Variants in RBFOX1 observed in about 807,000 individuals in gnomAD.
RBFOX1 encodes RNA binding fox-1 homolog 1, also known as RNA binding protein fox-1 homolog 1.
RBFOX1 carries 8 observed loss-of-function variants against 57.7 expected under a neutral mutation model. That is an observed-to-expected ratio of 0.14 (90% confidence interval 0.08 to 0.25). The LOEUF (loss-of-function observed/expected upper bound fraction) is 0.25, where lower values mean the gene tolerates loss of function less well. Among genes scored for constraint, RBFOX1 ranks in the 10% least tolerant of loss-of-function variants. The pLI is 1.00. For missense variants in RBFOX1, 611 were observed against 548.5 expected, an observed-to-expected ratio of 1.11 and a Z score of -1.14; for synonymous variants, 326 against 222.4, an observed-to-expected ratio of 1.47 and a Z score of -4.15.
chr16:5,305,337 C>G (rs1299832967), intron 1 of RBFOX1, among the ~76,000 whole-genome samples: 1 of 152,132 alleles, frequency 6.6e-6, no homozygotes, highest in Non-Finnish European at 1.5e-5. Flanking sequence ...GGTAGAGATT[C>G]TTCCCATGGA....
chr16:6,797,246 G>T (rs551219092), intron 3 of RBFOX1, among the ~76,000 whole-genome samples: 1 of 152,260 alleles, frequency 6.6e-6, no homozygotes, highest in East Asian at 1.9e-4. Context: ...GATGGATATT[G>T]TTATTCCCCC....
chr16:5,775,806 A>C (rs964019450), intron 3 of RBFOX1, among the ~76,000 whole-genome samples: 3 of 152,248 alleles, frequency 2.0e-5, no homozygotes, highest in African/African-American at 7.2e-5. Context: ...GTCCAGATGA[A>C]AGAAAATAAT....
chr16:6,521,466 CTCTCT>C (rs1327274146), intron 2 of RBFOX1, among the ~76,000 whole-genome samples: 3 of 142,140 alleles, frequency 2.1e-5, no homozygotes, highest in African/African-American at 7.9e-5. Flanking sequence ...CTCTCCTCTC[CTCTCT>C]TCTCTTCCTC....
At chr16:5,971,640 G>T (rs908732782) in intron 4 of RBFOX1, among the ~76,000 whole-genome samples, 2 of 152,146 alleles carry the variant, frequency 1.3e-5, no homozygotes, top group African/African-American at 4.8e-5. Flanking sequence ...TCCCTTAGCA[G>T]TAAAATGAGG....
rs145057102 is a variant in RBFOX1, at chr16:5,575,115, G to A, written c.259-23787G>A. On this transcript the variant is annotated intron_variant, in intron 2 of 2. Transcript: ENST00000585867. ...TTGGGATTATTTTATTACCTTGGAA[G>A]TGCCTTTGCGTTATGAAGGGGATGG... 8.8e-3 allele frequency among the ~76,000 whole-genome samples: 1,347 copies of A among 152,276 alleles called. 11 individuals are homozygous for A. The highest frequency in any genetic ancestry group is 0.014 in the Non-Finnish European group (923 of 68,016).
At chr16:7,511,269 C>T (rs954305191) in intron 4 of RBFOX1, among the ~76,000 whole-genome samples, 10 of 152,174 alleles carry the variant, frequency 6.6e-5, no homozygotes, top group Non-Finnish European at 7.3e-5. Flanking sequence ...CCCTGACTGG[C>T]TACCACTCTT....
intron 3 of RBFOX1, among the ~76,000 whole-genome samples, chr16:6,793,060 G>C (rs1409939654): frequency 6.6e-6 from 1 of 151,516 alleles, no homozygotes; most frequent in Non-Finnish European, 1.5e-5. Context: ...CGATAATGCT[G>C]TACATCTGTT....
intron 4 of RBFOX1, among the ~76,000 whole-genome samples, chr16:5,980,017 G>A (rs2060140794): frequency 6.6e-6 from 1 of 152,172 alleles, no homozygotes; most frequent in Non-Finnish European, 1.5e-5. Context: ...GCTGTGCTAG[G>A]GAATTTGATC....
At chr16:5,425,944 C>T (rs1210404209) in intron 1 of RBFOX1, among the ~76,000 whole-genome samples, 3 of 152,096 alleles carry the variant, frequency 2.0e-5, no homozygotes, top group Non-Finnish European at 2.9e-5. Context: ...AACACAACAG[C>T]GGCTTTAGCT....
intron 4 of RBFOX1, among the ~76,000 whole-genome samples, chr16:7,300,288 G>A (rs1024808394): frequency 2.1e-4 from 32 of 151,816 alleles, no homozygotes; most frequent in Non-Finnish European, 4.3e-4. Flanking sequence ...CACTGATGCC[G>A]ACCTGGGGGC....
chr16:7,188,630 A>G (rs750725553), intron 4 of RBFOX1, among the ~76,000 whole-genome samples: 1 of 152,068 alleles, frequency 6.6e-6, no homozygotes, highest in Non-Finnish European at 1.5e-5. Context: ...ATAAGCATTG[A>G]CTCATTATAC....
At chr16:7,387,144 A>T (rs1053924103) in intron 4 of RBFOX1, among the ~76,000 whole-genome samples, 7 of 152,128 alleles carry the variant, frequency 4.6e-5, no homozygotes, top group Admixed American at 3.9e-4. Flanking sequence ...AGATGAATAG[A>T]TGGTAAAAAT....
chr16:5,952,388 C>T (rs948323522), intron 4 of RBFOX1, among the ~76,000 whole-genome samples: 15 of 152,018 alleles, frequency 9.9e-5, no homozygotes, highest in African/African-American at 2.2e-4. Context: ...TGACCTCAAG[C>T]GATCTGTCCA....
chr16:6,094,104 C>T (rs1302210290), intron 1 of RBFOX1, among the ~76,000 whole-genome samples: 1 of 152,136 alleles, frequency 6.6e-6, no homozygotes, highest in Non-Finnish European at 1.5e-5. Flanking sequence ...CCCAAATGTG[C>T]ATGAGAAACC....
At chr16:6,686,709 G>A (rs1397948925) in intron 3 of RBFOX1, among the ~76,000 whole-genome samples, 1 of 152,086 alleles carries the variant, frequency 6.6e-6, no homozygotes, top group African/African-American at 2.4e-5. Context: ...GCAATTGTGA[G>A]ACTAACCTTC....
At position 6,571,928 on chromosome 16, in the gene RBFOX1, T is replaced by C. The variant is rs115685829; in HGVS notation, c.-63-82675T>C. 2.2e-3 allele frequency among the ~76,000 whole-genome samples: 333 copies of C among 152,362 alleles called. 1 individual carries two copies. The highest frequency in any genetic ancestry group is 7.6e-3 in the African/African-American group (316 of 41,588). The stretch of plus-strand genomic sequence containing the variant: ...TGATTAATTACTTTTATTACAATTA[T>C]GATTATCATCATTTTATATACAGTT... On this transcript the variant is annotated intron_variant, in intron 2 of 15. Coordinates refer to ENST00000550418, the MANE Select transcript of RBFOX1 (RefSeq NM_018723.4).
At chr16:6,775,832 T>C (rs541481523) in intron 3 of RBFOX1, 2 of 152,344 alleles carry the variant, frequency 1.3e-5, no homozygotes, top group Non-Finnish European at 2.9e-5. Flanking sequence ...ATGTGTCTTA[T>C]GAAAATCAGT....
chr16:6,853,521 C>T (rs977643621), intron 3 of RBFOX1, among the ~76,000 whole-genome samples: 2 of 152,032 alleles, frequency 1.3e-5, no homozygotes, highest in East Asian at 3.9e-4. Context: ...GCTTGGGACT[C>T]TGACAGTGGT....
chr16:5,584,145 G>A (rs1228317444), intron 2 of RBFOX1, among the ~76,000 whole-genome samples: 1 of 152,176 alleles, frequency 6.6e-6, no homozygotes, highest in African/African-American at 2.4e-5. Context: ...TGAATAAAAA[G>A]CCCTTGTCAG....
Sources: allele counts gnomAD v4.1 joint callset (sites outside exome capture counted in the v4.1 genomes callset), GRCh38; gene constraint gnomAD v4.1.1; transcripts MANE v1.5; gene names NCBI Gene and HGNC (gene_info 2026-07-23, HGNC 2026-07-21).